Variants in ANKRD13C observed in about 807,000 individuals in gnomAD.
ANKRD13C encodes the protein ankyrin repeat domain-containing protein 13C.
Under a neutral mutation model 65.5 loss-of-function variants are expected in ANKRD13C, and 16 were observed. The observed-to-expected ratio is 0.24, with a 90% CI of 0.17 to 0.37. The LOEUF is 0.37. Among genes scored for constraint, ANKRD13C ranks in the 10% least tolerant of loss-of-function variants. ANKRD13C has a pLI of 1.00. For synonymous variants in ANKRD13C, 235 were observed against 238.7 expected, an observed-to-expected ratio of 0.98 and a Z score of 0.14; for missense variants, 503 against 655.9, an observed-to-expected ratio of 0.77 and a Z score of 2.55.
chr1:70,294,496 A>G (rs6675982), intron 8 of ANKRD13C, among the ~76,000 whole-genome samples: 86,296 of 151,916 alleles, frequency 0.57, 24,684 homozygotes, highest in South Asian at 0.62. Context: ...ACATAATGTG[A>G]GTGGGCCTAA....
intron 3 of ANKRD13C, among the ~76,000 whole-genome samples, chr1:70,323,279 C>T (rs1046154992): frequency 9.9e-5 from 15 of 152,236 alleles, no homozygotes; most frequent in African/African-American, 3.4e-4. Context: ...AAAAAATACA[C>T]TCACTTTAGT....
rs375461765 is a variant in ANKRD13C at position 70,259,974 on chromosome 1, G to A, written c.*2743C>T. On this transcript the variant is annotated 3_prime_UTR_variant, in exon 13 of 13. Transcript: ENST00000370944. ...GGATCTTTGTCTTCTGCAGACTTAG[G>A]GAAAACTAGGAAGAGGGCTCATTAA... 3.6e-3 allele frequency among the ~76,000 whole-genome samples: 553 copies of A among 152,080 alleles called. 4 individuals carry two copies. The highest frequency in any genetic ancestry group is 6.7e-3 in the Non-Finnish European group (456 of 67,968).
At chr1:70,348,920 T>G (rs1478958528) in intron 1 of ANKRD13C, among the ~76,000 whole-genome samples, 1 of 152,198 alleles carries the variant, frequency 6.6e-6, no homozygotes, top group Admixed American at 6.5e-5. Flanking sequence ...TCAGAAATTT[T>G]TCACATCTAG....
intron 9 of ANKRD13C, among the ~76,000 whole-genome samples, chr1:70,287,750 T>C (rs1196692650): frequency 6.6e-6 from 1 of 152,134 alleles, no homozygotes; most frequent in Non-Finnish European, 1.5e-5. Flanking sequence ...CTCATGCCTA[T>C]AATCCCAGCA....
At chr1:70,270,991 G>A in intron 11 of ANKRD13C, 35 bp from the exon 12 acceptor site, 1 of 1,370,394 alleles carries the variant, frequency 7.3e-7, no homozygotes, top group Non-Finnish European at 1.0e-6. Context: ...TGTTTTCATT[G>A]TTCAAATTGC....
chr1:70,330,650 C>T (rs780890757), intron 2 of ANKRD13C, among the ~76,000 whole-genome samples: 1 of 149,146 alleles, frequency 6.7e-6, no homozygotes, highest in African/African-American at 2.5e-5. Context: ...TAGAGAGAAC[C>T]AGTGAGAAAA....
intron 5 of ANKRD13C, among the ~76,000 whole-genome samples, chr1:70,308,264 A>G (rs1680672223): frequency 6.6e-6 from 1 of 152,120 alleles, no homozygotes; most frequent in South Asian, 2.1e-4. Flanking sequence ...CCAAAGTGCT[A>G]GAATTACAGG....
intron 1 of ANKRD13C, among the ~76,000 whole-genome samples, chr1:70,341,981 C>T (rs900043076): frequency 4.6e-5 from 7 of 151,526 alleles, no homozygotes; most frequent in African/African-American, 1.7e-4. Context: ...TAGACTGGTT[C>T]AAAATAACTT....
At chr1:70,290,621 A>T (rs1472746350) in intron 9 of ANKRD13C, among the ~76,000 whole-genome samples, 1 of 151,142 alleles carries the variant, frequency 6.6e-6, no homozygotes, top group Non-Finnish European at 1.5e-5. Context: ...AGCTCATTGT[A>T]GCCTCAGTCT....
intron 8 of ANKRD13C, among the ~76,000 whole-genome samples, chr1:70,295,079 T>C (rs546920153): frequency 6.6e-6 from 1 of 152,246 alleles, no homozygotes; most frequent in Non-Finnish European, 1.5e-5. Context: ...CTATTTTTCT[T>C]ATTTCTCCAT....
chr1:70,318,504 C>A (rs894527973), intron 3 of ANKRD13C, among the ~76,000 whole-genome samples: 2 of 152,098 alleles, frequency 1.3e-5, no homozygotes, highest in Admixed American at 6.5e-5. Flanking sequence ...ACAGTTGATT[C>A]AAACCCAACA....
intron 1 of ANKRD13C, among the ~76,000 whole-genome samples, chr1:70,344,955 A>C (rs574991067): frequency 6.6e-6 from 1 of 152,260 alleles, no homozygotes; most frequent in South Asian, 2.1e-4. Flanking sequence ...TGAGCAGTCT[A>C]TTTAAATTAT....
chr1:70,266,370 T>C (rs989866838), intron 12 of ANKRD13C, among the ~76,000 whole-genome samples: 2 of 152,366 alleles, frequency 1.3e-5, no homozygotes, highest in African/African-American at 4.8e-5. Context: ...TGTATCATTG[T>C]TCATTTACCT....
intron 3 of ANKRD13C, among the ~76,000 whole-genome samples, chr1:70,317,423 T>A (rs1681117999): frequency 6.6e-6 from 1 of 152,198 alleles, no homozygotes; most frequent in African/African-American, 2.4e-5. Context: ...TAAATTTTTT[T>A]AAAGACTATT....
rs370350088 is a variant in ANKRD13C at position 70,351,540 on chromosome 1, C to T, written c.430+2439G>A. Reference sequence around the variant, plus strand: ...TCAGCTTCCCAAATAGCTGGGATTACAAGCATGCACCACCATGCCAGGCTA... The same window carrying T: ...TCAGCTTCCCAAATAGCTGGGATTATAAGCATGCACCACCATGCCAGGCTA... On this transcript the variant is annotated intron_variant, in intron 1 of 12. Transcript: ENST00000370944. Among the ~76,000 whole-genome samples, 232 of 152,230 alleles carry T rather than the reference C, an allele frequency of 1.5e-3. 3 individuals are homozygous for T. The highest frequency in any genetic ancestry group is 0.01 in the Admixed American group (160 of 15,278).
intron 3 of ANKRD13C, among the ~76,000 whole-genome samples, chr1:70,317,361 A>G (rs774510451): frequency 7.9e-5 from 12 of 152,176 alleles, no homozygotes; most frequent in Non-Finnish European, 1.5e-4. Flanking sequence ...TGAGTTTCCA[A>G]TGATATACAG....
At chr1:70,338,867 T>G (rs1021822134) in intron 1 of ANKRD13C, among the ~76,000 whole-genome samples, 1 of 152,222 alleles carries the variant, frequency 6.6e-6, no homozygotes, top group Non-Finnish European at 1.5e-5. Context: ...TAAGGTCCTC[T>G]TCCTTCTTTT....
intron 12 of ANKRD13C, among the ~76,000 whole-genome samples, chr1:70,265,632 G>A (rs1244359902): frequency 6.6e-6 from 1 of 151,488 alleles, no homozygotes; most frequent in Non-Finnish European, 1.5e-5. Context: ...GACCAGCCCG[G>A]GCAACAAAGT....
At chr1:70,348,694 T>A (rs143417183) in intron 1 of ANKRD13C, among the ~76,000 whole-genome samples, 2,307 of 152,342 alleles carry the variant, frequency 0.015, 35 homozygotes, top group South Asian at 0.048. Flanking sequence ...GGTACCTGCA[T>A]CAGCAGGAAT....
Sources: gnomAD v4.1 joint callset for allele counts (sites outside exome capture counted in the v4.1 genomes callset) on GRCh38, gnomAD v4.1.1 for gene constraint, MANE v1.5 for transcripts, NCBI Gene and HGNC (gene_info 2026-07-23, HGNC 2026-07-21) for gene names.